IL27RA: variants seen among roughly 807,000 people sequenced by gnomAD.
IL27RA encodes interleukin 27 receptor subunit alpha, also known as interleukin-27 receptor subunit alpha.
In IL27RA, 61 loss-of-function variants were observed where a neutral mutation model predicts 80.8. The ratio of observed to expected loss-of-function variants is 0.76; its 90% CI spans 0.61 to 0.93. The LOEUF is 0.93. Among genes scored for constraint, IL27RA ranks in the 40% least tolerant of loss-of-function variants. The probability of loss-of-function intolerance (pLI) is 0.00; values close to 1 mark genes in which losing one functional copy is unlikely to be tolerated. For synonymous variants in IL27RA, 316 were observed against 332.5 expected (o/e 0.95, Z 0.54); for missense variants, 735 against 808.1 (o/e 0.91, Z 1.10).
chr19:14,036,295 A>C (rs1975897167), intron 2 of IL27RA, among the ~76,000 whole-genome samples: 1 of 151,768 alleles, frequency 6.6e-6, no homozygotes, highest in Non-Finnish European at 1.5e-5. Context: ...CCAGCCTGAG[A>C]TTTTGTACTC....
At chr19:14,048,889 G>GTGTC (rs1422023145) in intron 8 of IL27RA, 92 bp from the exon 9 acceptor site, 2 of 1,049,266 alleles carry the variant, frequency 1.9e-6, no homozygotes, top group Admixed American at 3.8e-5. Flanking sequence ...TTATCTCAGG[G>GTGTC]TGTCCTTCTG....
At chr19:14,034,666 A>C (rs1486696426) in intron 2 of IL27RA, among the ~76,000 whole-genome samples, 1 of 149,964 alleles carries the variant, frequency 6.7e-6, no homozygotes, top group Non-Finnish European at 1.5e-5. Context: ...TCTAAAAAAA[A>C]AAAAAGGCCG....
chr19:14,049,280 A>G lies in IL27RA; in HGVS notation c.1368A>G (p.Ala456=), dbSNP rs745796910. The change falls in exon 10 of 14, where the codon GCA becomes GCG. Residue 456 remains alanine, a synonymous_variant. Transcript: ENST00000263379. ...ACCTCACCCACTACACCTTGTGTGC[A>G]CAGAGTGGAACCAGCCCCTCCGTCT... ...RGHLTHYTLC[A]QSGTSPSVCM... The G allele has an allele frequency of 5.0e-6, 8 of 1,614,064 alleles. No individual in the cohort carries two copies. The highest frequency in any genetic ancestry group is 6.8e-6 in the Non-Finnish European group (8 of 1,180,010).
In IL27RA at chr19:14,042,774, T is replaced by C. The variant is rs954531939; in HGVS notation, c.753T>C (p.Pro251=). Residue 251 remains proline (P), a synonymous_variant, in exon 6 of 14, where the codon CCT becomes CCC. Coordinates refer to ENST00000263379, the MANE Select transcript of IL27RA (RefSeq NM_004843.4). ...NLCGTPGGEE[P]LLLWKAPGPC... is the part of the protein sequence containing the mutation. ...GTGGGACGCCTGGAGGAGAGGAACC[T>C]TTGCTTCTATGGAAGGTGAGCTTCA... 3 of 1,614,022 alleles carry C rather than the reference T, an allele frequency of 1.9e-6. No individual in the cohort carries two copies. The highest frequency in any genetic ancestry group is 2.5e-6 in the Non-Finnish European group (3 of 1,179,928).
In IL27RA at chr19:14,039,738, TTTCCCC is replaced by T. The variant is rs1289506731; in HGVS notation, c.377-8_377-3del. The T allele has an allele frequency of 1.2e-6, 2 of 1,612,562 alleles. No homozygotes were observed. The highest frequency in any genetic ancestry group is 4.5e-5 in the East Asian group (2 of 44,856). On this transcript the variant is annotated splice_polypyrimidine_tract_variant and intron_variant, in intron 3 of 13. Coordinates refer to ENST00000263379, the MANE Select transcript of IL27RA (RefSeq NM_004843.4). ...GAGGGCGTGGCTCACTACACCCTAGTTTCCCCTTCCCCAGTGAAGCCAAACGCCCCC... is the reference window on the plus strand; with the variant it reads ...GAGGGCGTGGCTCACTACACCCTAGTTTCCCCAGTGAAGCCAAACGCCCCC...
chr19:14,051,889 C>T lies in IL27RA; in HGVS notation c.1632C>T (p.His544=), dbSNP rs1555766466. 5 of 1,581,258 alleles carry T rather than the reference C, an allele frequency of 3.2e-6. No individual in the cohort carries two copies. Among genetic ancestry groups the T allele is most frequent in the South Asian group, 2.3e-5 (2 of 87,310 alleles). Residue 544 remains histidine (H), a synonymous_variant, in exon 13 of 14, where the codon CAC becomes CAT. Coordinates refer to ENST00000263379, the MANE Select transcript of IL27RA (RefSeq NM_004843.4). Reference sequence around the variant, plus strand: ...ACTCCTGTCTTGCCAGGTGCTACCACCTAAGGCACAAAGTGCTGCCCCGCT... The same window carrying T: ...ACTCCTGTCTTGCCAGGTGCTACCATCTAAGGCACAAAGTGCTGCCCCGCT... The part of the protein sequence containing the change: ...LSLATSGRCY[H]LRHKVLPRWV...
At chr19:14,032,805 CAAAAAAAA>C (rs60328140) in intron 2 of IL27RA, among the ~76,000 whole-genome samples, 7 of 60,778 alleles carry the variant, frequency 1.2e-4, no homozygotes, top group Non-Finnish European at 3.2e-5. Flanking sequence ...GACTCTGTCT[CAAAAAAAA>C]AAAAAAAAAA....
intron 2 of IL27RA, among the ~76,000 whole-genome samples, chr19:14,038,889 GAAAAA>G (rs371517796): frequency 3.0e-5 from 3 of 101,008 alleles, no homozygotes; most frequent in African/African-American, 1.1e-4. Flanking sequence ...TGTCTCAAAA[GAAAAA>G]AAAAAGAGAG....
Position 14,046,442 on chromosome 19 carries a change from C to G in IL27RA, c.965C>G (p.Ala322Gly). ...LSLVCLDSAS[A>G]PRSVAVSSIA... The stretch of plus-strand genomic sequence containing the variant: ...CTCCACCCTCCAGATTCAGCCTCTG[C>G]CCCCCGTAGCGTGGCAGTCAGCAGC... Residue 322 changes from alanine to glycine, a missense_variant, in exon 8 of 14, where the codon GCC becomes GGC. Ala to Gly is a moderately conservative substitution (Grantham distance 60). Coordinates refer to ENST00000263379, the MANE Select transcript of IL27RA (RefSeq NM_004843.4). The G allele has an allele frequency of 6.2e-7, 1 of 1,614,066 alleles. No individual in the cohort carries two copies. The highest frequency in any genetic ancestry group is 8.5e-7 in the Non-Finnish European group (1 of 1,180,010).
Position 14,052,729 on chromosome 19 carries a change from A to C in IL27RA, c.*439A>C. 1 of 154,744 alleles carries C rather than the reference A, an allele frequency of 6.5e-6. No homozygotes were observed. Among genetic ancestry groups the C allele is most frequent in the African/African-American group, 2.4e-5 (1 of 41,550 alleles). 9.6% of individuals were successfully genotyped at this position (154,744 alleles called of 1,614,324 possible). On this transcript the variant is annotated 3_prime_UTR_variant, in exon 14 of 14. Coordinates refer to ENST00000263379, the MANE Select transcript of IL27RA (RefSeq NM_004843.4). ...AAATAAAACATCAAAAACAAAAACAATTAGCTGGGCATGATGGCACACACC... is the reference window on the plus strand; with the variant it reads ...AAATAAAACATCAAAAACAAAAACACTTAGCTGGGCATGATGGCACACACC...
At chr19:14,049,413 G>T in intron 10 of IL27RA, 99 bp downstream of exon 10, 1 of 1,263,674 alleles carries the variant, frequency 7.9e-7, no homozygotes, top group African/African-American at 1.5e-5. Context: ...CTTTGGCCCA[G>T]GGACCATACA....
chr19:14,046,386 G>T (rs777752622), intron 7 of IL27RA, 44 bp from the exon 8 acceptor site: 12 of 1,613,836 alleles, frequency 7.4e-6, no homozygotes, highest in Non-Finnish European at 3.4e-6. Context: ...GGGGTGGGAA[G>T]TGACTTCCTG....
chr19:14,049,485 G>A (rs1236058811), intron 10 of IL27RA, among the ~76,000 whole-genome samples, 171 bp downstream of exon 10: 2 of 152,146 alleles, frequency 1.3e-5, no homozygotes, highest in Non-Finnish European at 2.9e-5. Flanking sequence ...CATTAAAAAT[G>A]AGGATGCCAA....
intron 4 of IL27RA, among the ~76,000 whole-genome samples, chr19:14,040,925 G>A (rs976134730): frequency 3.4e-5 from 5 of 147,536 alleles, no homozygotes; most frequent in African/African-American, 9.9e-5. Context: ...TTTTTGAGAT[G>A]GCGTTTTGCT....
At chr19:14,051,529 A>T in intron 11 of IL27RA, 78 bp from the exon 12 acceptor site, 1 of 802,122 alleles carries the variant, frequency 1.2e-6, no homozygotes, top group Non-Finnish European at 1.8e-6. Context: ...GTGACAGGGC[A>T]AGACTCTGTC....
At chr19:14,046,703 A>G in intron 8 of IL27RA, 85 bp downstream of exon 8, 1 of 1,312,544 alleles carries the variant, frequency 7.6e-7, no homozygotes, top group South Asian at 1.4e-5. Context: ...GCTATGATTA[A>G]AGTAGCGTGA....
At position 14,032,055 on chromosome 19, in the gene IL27RA, G is replaced by C. The variant is rs538105240; in HGVS notation, c.100+83G>C. ...GCCAGTGCTCCAGGATAAGCCACGC[G>C]TATGCAGAGCGAACGGTAGAGGTGC... On this transcript the variant is annotated intron_variant, in intron 1 of 13. Transcript: ENST00000263379. 181 of 1,231,990 alleles carry C rather than the reference G, an allele frequency of 1.5e-4. No homozygotes were observed. In the East Asian group the frequency reaches 4.0e-3, roughly 27 times the overall value. The allele number at this position is 1,231,990 out of a possible 1,614,324, so 76.3% of individuals were successfully genotyped here. A position where few individuals can be genotyped will look rare whatever the true frequency, so the allele number is the denominator to read the frequency against.
chr19:14,042,482 G>C lies in IL27RA; in HGVS notation c.564G>C (p.Leu188=). 6.2e-7 allele frequency: 1 copy of C among 1,614,130 alleles called. No homozygotes were observed. Among genetic ancestry groups the C allele is most frequent in the Non-Finnish European group, 8.5e-7 (1 of 1,180,012 alleles). The change falls in exon 5 of 14, where the codon CTG becomes CTC. Residue 188 remains leucine, a synonymous_variant. Coordinates refer to ENST00000263379, the MANE Select transcript of IL27RA (RefSeq NM_004843.4). ...AACCGGAGCTGAAGACCATACCCCT[G>C]ACCCCTGTTGAGATCCAAGATTTGG... ...LLEPELKTIP[L]TPVEIQDLEL... is the part of the protein sequence containing the mutation.
intron 10 of IL27RA, among the ~76,000 whole-genome samples, chr19:14,050,353 T>C (rs560126545): frequency 2.1e-4 from 32 of 151,818 alleles, no homozygotes; most frequent in Admixed American, 5.3e-4. Flanking sequence ...AATATAAAAA[T>C]TAGCCAGATG....
Sources: gnomAD v4.1 joint callset for allele counts (sites outside exome capture counted in the v4.1 genomes callset) on GRCh38, gnomAD v4.1.1 for gene constraint, MANE v1.5 for transcripts, NCBI Gene and HGNC (gene_info 2026-07-23, HGNC 2026-07-21) for gene names.